The following PRLR variants were observed in gnomAD, a reference collection of about 807,000 sequenced individuals.
PRLR encodes hPRL receptor.
PRLR carries 13 observed loss-of-function variants against 40.2 expected under a neutral mutation model. The ratio of observed to expected loss-of-function variants is 0.32; its 90% CI spans 0.21 to 0.51. The LOEUF (loss-of-function observed/expected upper bound fraction) is 0.51, where lower values mean the gene tolerates loss of function less well. Ranked by LOEUF, PRLR falls within the 20% of genes least tolerant of loss-of-function variation. The pLI is 0.97. For synonymous variants in PRLR, 269 were observed against 278.7 expected (o/e 0.97, Z 0.35); for missense variants, 656 against 747.3 (o/e 0.88, Z 1.42).
intron 4 of PRLR, among the ~76,000 whole-genome samples, chr5:35,085,861 C>T (rs983305610): frequency 1.3e-5 from 2 of 152,160 alleles, no homozygotes; most frequent in African/African-American, 4.8e-5. Flanking sequence ...TCCATTTAAC[C>T]ATTTGACCCT....
intron 1 of PRLR, among the ~76,000 whole-genome samples, chr5:35,169,067 G>A (rs117943060): frequency 8.9e-4 from 135 of 152,180 alleles, no homozygotes; most frequent in African/African-American, 2.7e-3. Flanking sequence ...CCGTTTTCCC[G>A]CAGTAGCATT....
At chr5:35,141,075 T>C (rs1774010704) in intron 1 of PRLR, among the ~76,000 whole-genome samples, 1 of 152,172 alleles carries the variant, frequency 6.6e-6, no homozygotes, top group Non-Finnish European at 1.5e-5. Context: ...TTTTGCTATC[T>C]TTCTTCTTGC....
chr5:35,176,117 T>G (rs2111961945), intron 1 of PRLR, among the ~76,000 whole-genome samples: 1 of 152,304 alleles, frequency 6.6e-6, no homozygotes, highest in African/African-American at 2.4e-5. Flanking sequence ...TTGATAAAAC[T>G]CAGTTGAGTC....
At chr5:35,050,301 T>G (rs906753554) in intron 8 of PRLR, among the ~76,000 whole-genome samples, 4 of 152,226 alleles carry the variant, frequency 2.6e-5, no homozygotes. Context: ...TTAGACTGCC[T>G]CTAGAACTTC....
intron 1 of PRLR, among the ~76,000 whole-genome samples, chr5:35,165,272 C>T (rs1209914205): frequency 6.6e-6 from 1 of 152,196 alleles, no homozygotes; most frequent in Non-Finnish European, 1.5e-5. Context: ...GAACTCAAAG[C>T]GGGTAAAAAC....
At chr5:35,214,851 G>C (rs535088378) in intron 1 of PRLR, among the ~76,000 whole-genome samples, 1 of 152,168 alleles carries the variant, frequency 6.6e-6, no homozygotes, top group Non-Finnish European at 1.5e-5. Context: ...CCCCTGAGGA[G>C]ATTAGAAAGT....
chr5:35,155,329 G>A (rs1347347472), intron 1 of PRLR, among the ~76,000 whole-genome samples: 1 of 152,116 alleles, frequency 6.6e-6, no homozygotes, highest in Non-Finnish European at 1.5e-5. Flanking sequence ...TTGTGAAGCT[G>A]AGGTGAGGTG....
intron 1 of PRLR, among the ~76,000 whole-genome samples, chr5:35,183,378 T>G (rs1212970923): frequency 6.6e-6 from 1 of 152,208 alleles, no homozygotes; most frequent in African/African-American, 2.4e-5. Flanking sequence ...GTCTGTTTCC[T>G]TGTCGCCCCC....
intron 1 of PRLR, among the ~76,000 whole-genome samples, chr5:35,166,281 T>C (rs185837176): frequency 3.3e-5 from 5 of 152,292 alleles, no homozygotes; most frequent in Admixed American, 2.0e-4. Context: ...ATACGTGTTA[T>C]AGCCCTTTCA....
chr5:35,075,322 T>C (rs1179064011), intron 5 of PRLR, among the ~76,000 whole-genome samples: 5 of 152,130 alleles, frequency 3.3e-5, no homozygotes, highest in African/African-American at 9.7e-5. Flanking sequence ...ACCTGGAAAA[T>C]TGGGACACTA....
chr5:35,224,095 T>C (rs1221407435), intron 1 of PRLR, among the ~76,000 whole-genome samples: 4 of 152,334 alleles, frequency 2.6e-5, no homozygotes, highest in African/African-American at 9.6e-5. Context: ...CTACCCCTTG[T>C]TCCGTTTAGG....
intron 1 of PRLR, among the ~76,000 whole-genome samples, chr5:35,143,197 T>C (rs1774072651): frequency 6.6e-6 from 1 of 152,226 alleles, no homozygotes; most frequent in African/African-American, 2.4e-5. Context: ...TTGTGGCCCA[T>C]AGGGTCTTTG....
intron 1 of PRLR, chr5:35,195,346 G>A (rs1164029296): frequency 1.3e-5 from 2 of 152,350 alleles, no homozygotes; most frequent in Non-Finnish European, 2.9e-5. Context: ...GGTCTCAAAT[G>A]AGCCTCGGTG....
chr5:35,192,491 G>A (rs1461347751), intron 1 of PRLR, among the ~76,000 whole-genome samples: 3 of 152,146 alleles, frequency 2.0e-5, no homozygotes, highest in Non-Finnish European at 4.4e-5. Context: ...AAGGAGCTAA[G>A]CCTAAAAAGG....
intron 7 of PRLR, among the ~76,000 whole-genome samples, 195 bp from the exon 8 acceptor site, chr5:35,069,073 G>A (rs374300486): frequency 4.7e-4 from 71 of 152,108 alleles, no homozygotes; most frequent in East Asian, 4.2e-3. Flanking sequence ...AATATGTTGC[G>A]TATATTTTAT....
intron 5 of PRLR, among the ~76,000 whole-genome samples, chr5:35,077,075 C>T (rs1443670750): frequency 6.6e-6 from 1 of 152,174 alleles, no homozygotes; most frequent in African/African-American, 2.4e-5. Flanking sequence ...CAACCGGTAC[C>T]AGCCACTGCA....
At chr5:35,164,299 C>T (rs1442266899) in intron 1 of PRLR, among the ~76,000 whole-genome samples, 2 of 152,080 alleles carry the variant, frequency 1.3e-5, no homozygotes, top group Non-Finnish European at 2.9e-5. Flanking sequence ...AACCTGATGA[C>T]AAACATAATA....
At position 35,072,743 on chromosome 5, in the gene PRLR, A is replaced by G. The variant is rs760359900; in HGVS notation, c.375T>C (p.Val125=). The change falls in exon 6 of 10, where the codon GTT becomes GTC. Residue 125 remains valine, a splice_region_variant and synonymous_variant. Coordinates refer to ENST00000618457, the MANE Select transcript of PRLR (RefSeq NM_000949.7). The part of the protein sequence containing the change: ...DELYVDVTYI[V]QPDPPLELAV... ...CCAGCTCCAAAGGAGGGTCTGGCTGAACTGCAGAAATACAGCAAATGCCAG... is the reference window on the plus strand; with the variant it reads ...CCAGCTCCAAAGGAGGGTCTGGCTGGACTGCAGAAATACAGCAAATGCCAG... 6.2e-7 allele frequency: 1 copy of G among 1,613,742 alleles called. No homozygotes were observed. The highest frequency in any genetic ancestry group is 8.5e-7 in the Non-Finnish European group (1 of 1,179,912).
At chr5:35,177,208 G>C (rs944608967) in intron 1 of PRLR, among the ~76,000 whole-genome samples, 1 of 152,016 alleles carries the variant, frequency 6.6e-6, no homozygotes, top group Non-Finnish European at 1.5e-5. Context: ...AGAGGCTGGC[G>C]GGATCCTCCA....
Sources: gnomAD v4.1 joint callset for allele counts (sites outside exome capture counted in the v4.1 genomes callset) on GRCh38, gnomAD v4.1.1 for gene constraint, MANE v1.5 for transcripts, NCBI Gene and HGNC (gene_info 2026-07-23, HGNC 2026-07-21) for gene names.